The following SKP2 variants were observed in gnomAD, a reference collection of about 807,000 sequenced individuals.
SKP2 encodes the protein S-phase kinase associated protein 2, also known as S-phase kinase-associated protein 2.
SKP2 carries 16 observed loss-of-function variants against 51.8 expected under a neutral mutation model. The observed-to-expected ratio is 0.31, with a 90% confidence interval of 0.21 to 0.47. The LOEUF is 0.47. Among genes scored for constraint, SKP2 ranks in the 20% least tolerant of loss-of-function variants. SKP2 has a pLI of 1.00. For missense variants in SKP2, 377 were observed against 505.3 expected, an observed-to-expected ratio of 0.75 and a Z score of 2.43; for synonymous variants, 176 against 198.6, an observed-to-expected ratio of 0.89 and a Z score of 0.96.
intron 2 of SKP2, among the ~76,000 whole-genome samples, chr5:36,161,542 G>T (rs1745120988): frequency 6.6e-6 from 1 of 152,176 alleles, no homozygotes; most frequent in Non-Finnish European, 1.5e-5. Flanking sequence ...GCTCCAAATG[G>T]CTGGAACACA....
chr5:36,174,972 A>G (rs1238943716), intron 7 of SKP2, among the ~76,000 whole-genome samples: 2 of 152,164 alleles, frequency 1.3e-5, no homozygotes, highest in East Asian at 1.9e-4. Flanking sequence ...CCTAAGTGAC[A>G]TGGGATATGG....
At chr5:36,180,140 C>A in intron 9 of SKP2, 1 of 522,312 alleles carries the variant, frequency 1.9e-6, no homozygotes, top group Non-Finnish European at 3.7e-6. Context: ...CTTACTCCAC[C>A]TACAGTTTCT....
intron 2 of SKP2, among the ~76,000 whole-genome samples, chr5:36,162,249 AC>A (rs1303309144): frequency 3.0e-5 from 2 of 67,208 alleles, no homozygotes; most frequent in African/African-American, 6.8e-5. Flanking sequence ...TGATTTTTCT[AC>A]CCACCTACCT....
intron 2 of SKP2, among the ~76,000 whole-genome samples, chr5:36,154,188 A>G (rs1219981559): frequency 6.6e-6 from 1 of 152,144 alleles, no homozygotes; most frequent in Admixed American, 6.5e-5. Context: ...GATAGAGTGC[A>G]CTTTTAAACC....
At chr5:36,167,012 A>G (rs1745309465) in intron 4 of SKP2, among the ~76,000 whole-genome samples, 1 of 152,074 alleles carries the variant, frequency 6.6e-6, no homozygotes, top group Non-Finnish European at 1.5e-5. Context: ...TTACTTCCCC[A>G]ATGCCCATTT....
At chr5:36,187,665 A>G (rs183157755), downstream of SKP2, among the ~76,000 whole-genome samples, 12 of 152,262 alleles carry the variant, frequency 7.9e-5, no homozygotes, top group East Asian at 1.9e-4. Context: ...TATGTGGTCA[A>G]TTTTTGGGAT....
rs945153417 is a variant in SKP2 at position 36,152,157 on chromosome 5, G to T, written c.-106G>T. 8 of 1,174,932 alleles carry T rather than the reference G, an allele frequency of 6.8e-6. No individual in the cohort carries two copies. Among genetic ancestry groups the T allele is most frequent in the African/African-American group, 3.0e-5 (2 of 66,448 alleles). 72.8% of individuals were successfully genotyped at this position (1,174,932 alleles called of 1,614,324 possible). ...GGCTTAGCGGGTCTGGCTGCTGGGG[G>T]CCCGAGCAGCACGCTCGGAGCCGCC... On this transcript the variant is annotated 5_prime_UTR_variant, in exon 1 of 10. Coordinates refer to ENST00000274255, the MANE Select transcript of SKP2 (RefSeq NM_005983.4).
At position 36,182,224 on chromosome 5, in the gene SKP2, T is replaced by C; in HGVS notation, c.*193T>C. 1 of 1,383,444 alleles carries C rather than the reference T, an allele frequency of 7.2e-7. No individual in the cohort carries two copies. The highest frequency in any genetic ancestry group is 1.4e-5 in the African/African-American group (1 of 69,096). 85.7% of individuals were successfully genotyped at this position (1,383,444 alleles called of 1,614,324 possible). On this transcript the variant is annotated 3_prime_UTR_variant, in exon 10 of 10. Transcript: ENST00000274255. ...AAATGATTCTAAAAGCTTCTATCAC[T>C]GCTTTGCTCTTAAGAGCCAAAGTTG... is the stretch of plus-strand genomic sequence containing the variant.
At chr5:36,190,212 GCTGCACCCACTGTC>G (rs11268575) in intron 6 of SKP2, among the ~76,000 whole-genome samples, 137,788 of 151,004 alleles carry the variant, frequency 0.91, 63,807 homozygotes, top group Non-Finnish European at 0.98. Flanking sequence ...TGCTCGGTGT[GCTGCACCCACTGTC>G]CTGCACCCAC....
At chr5:36,173,281 G>C (rs1745530777) in intron 7 of SKP2, among the ~76,000 whole-genome samples, 1 of 152,136 alleles carries the variant, frequency 6.6e-6, no homozygotes, top group South Asian at 2.1e-4. Flanking sequence ...GAGTGACAGA[G>C]ACAAATCTTT....
Position 36,162,997 on chromosome 5 carries a change from G to A in SKP2, c.281-648G>A, listed in dbSNP as rs1048950040. Among the ~76,000 whole-genome samples the A allele has an allele frequency of 2.6e-5, 4 of 152,134 alleles. No homozygotes were observed. The East Asian group carries it at 7.7e-4, about 29-fold the overall frequency. On this transcript the variant is annotated intron_variant, in intron 2 of 9. Transcript: ENST00000274255. ...CACCAGAACAGCATCAAATTACAGG[G>A]GCGGTTATCACCAGGTAACCGTCCC...
rs1485823407 is a variant in SKP2 at position 36,183,468 on chromosome 5, C to T, written c.*1437C>T. Reference sequence around the variant, plus strand: ...ATTTTTAGTAGAGACGGGGTTTCACCATGTTAGCCAGGATGGTCTCAATCT... The same window carrying T: ...ATTTTTAGTAGAGACGGGGTTTCACTATGTTAGCCAGGATGGTCTCAATCT... On this transcript the variant is annotated 3_prime_UTR_variant, in exon 10 of 10. Coordinates refer to ENST00000274255, the MANE Select transcript of SKP2 (RefSeq NM_005983.4). 5.5e-5 allele frequency: 20 copies of T among 365,964 alleles called. No homozygotes were observed. The highest frequency in any genetic ancestry group is 7.2e-5 in the Non-Finnish European group (19 of 264,136). 22.7% of individuals were successfully genotyped at this position (365,964 alleles called of 1,614,324 possible). A position where few individuals can be genotyped will look rare whatever the true frequency, so the allele number is the denominator to read the frequency against.
chr5:36,158,164 T>G (rs1745011121), intron 2 of SKP2, among the ~76,000 whole-genome samples: 3 of 152,192 alleles, frequency 2.0e-5, no homozygotes, highest in African/African-American at 4.8e-5. Context: ...ATTATGTCTT[T>G]TAATGTGGGT....
Position 36,181,901 on chromosome 5 carries a change from C to T in SKP2, c.1145C>T (p.Ala382Val). 1 of 1,614,168 alleles carries T rather than the reference C, an allele frequency of 6.2e-7. No individual in the cohort carries two copies. ...PDGTLQLLKE[A>V]LPHLQINCSH... ...GGTACCCTTCAACTGTTAAAGGAAGCCCTTCCTCATCTACAGATTAATTGC... is the reference window on the plus strand; with the variant it reads ...GGTACCCTTCAACTGTTAAAGGAAGTCCTTCCTCATCTACAGATTAATTGC... The change falls in exon 10 of 10, where the codon GCC becomes GTC. Residue 382 changes from alanine (A) to valine (V), a missense_variant. By Grantham distance (64) the Ala-to-Val change is moderately conservative. This residue lies in a region of SKP2 where 262 missense variants were observed against 389.8 expected (regional missense o/e 0.67). Coordinates refer to ENST00000274255, the MANE Select transcript of SKP2 (RefSeq NM_005983.4).
intron 9 of SKP2, among the ~76,000 whole-genome samples, chr5:36,181,464 C>T (rs1745808470): frequency 6.6e-6 from 1 of 152,216 alleles, no homozygotes; most frequent in South Asian, 2.1e-4. Flanking sequence ...TTTACCATCA[C>T]TCACTTGCTA....
chr5:36,185,386 G>A (rs1287077617), downstream of SKP2, among the ~76,000 whole-genome samples: 1 of 152,172 alleles, frequency 6.6e-6, no homozygotes, highest in East Asian at 1.9e-4. Context: ...GGTTTTTATG[G>A]TTTTAGGTCT....
chr5:36,159,488 C>G (rs1745057918), intron 2 of SKP2, among the ~76,000 whole-genome samples: 1 of 152,338 alleles, frequency 6.6e-6, no homozygotes, highest in Admixed American at 6.5e-5. Flanking sequence ...CCCCCATTCC[C>G]TTACATGCCA....
At chr5:36,192,230 A>G (rs1746043930) in intron 6 of SKP2, among the ~76,000 whole-genome samples, 2 of 152,206 alleles carry the variant, frequency 1.3e-5, no homozygotes, top group South Asian at 4.1e-4. Flanking sequence ...GTTAAAGTCA[A>G]GAATAAAATG....
At chr5:36,181,429 C>A (rs1044171669) in intron 9 of SKP2, among the ~76,000 whole-genome samples, 5 of 152,174 alleles carry the variant, frequency 3.3e-5, no homozygotes, top group African/African-American at 1.2e-4. Flanking sequence ...GTGGTTCCAA[C>A]TGGTGCCGCA....
Sources: allele counts gnomAD v4.1 joint callset (sites outside exome capture counted in the v4.1 genomes callset), GRCh38; gene constraint gnomAD v4.1.1; regional missense constraint gnomAD v4.1.1; transcripts MANE v1.5; gene names NCBI Gene and HGNC (gene_info 2026-07-23, HGNC 2026-07-21).